NRXN3: variants seen among roughly 807,000 people sequenced by gnomAD.
NRXN3 encodes the protein neurexin III.
A neutral mutation model predicts 137.6 loss-of-function variants in NRXN3; 32 were observed. That is an observed-to-expected ratio of 0.23 (90% CI 0.18 to 0.31). NRXN3 has a LOEUF of 0.31. Among genes scored for constraint, NRXN3 ranks in the 10% least tolerant of loss-of-function variants. The pLI, the probability that NRXN3 is intolerant of heterozygous loss-of-function variation, is 1.00. For missense variants in NRXN3, 1,574 were observed against 2,062.5 expected (o/e 0.76, Z 4.59); for synonymous variants, 798 against 784.5 (o/e 1.02, Z -0.29).
At chr14:78,898,189 A>G (rs1228079715) in intron 10 of NRXN3, among the ~76,000 whole-genome samples, 1 of 151,966 alleles carries the variant, frequency 6.6e-6, no homozygotes, top group Non-Finnish European at 1.5e-5. Flanking sequence ...AATGTTGGTG[A>G]TATATTTATT....
chr14:79,211,141 G>A (rs549498139), intron 15 of NRXN3, among the ~76,000 whole-genome samples: 1 of 152,114 alleles, frequency 6.6e-6, no homozygotes, highest in South Asian at 2.1e-4. Flanking sequence ...TTTGTGTCTG[G>A]ACCCCACTAC....
chr14:79,023,321 G>T (rs2099592851), intron 15 of NRXN3, among the ~76,000 whole-genome samples: 1 of 152,018 alleles, frequency 6.6e-6, no homozygotes, highest in Non-Finnish European at 1.5e-5. Flanking sequence ...GAGCACAACA[G>T]ACCAAGCTCC....
At chr14:78,174,436 C>T (rs1042038918) in intron 1 of NRXN3, among the ~76,000 whole-genome samples, 2 of 151,948 alleles carry the variant, frequency 1.3e-5, no homozygotes, top group South Asian at 2.1e-4. Flanking sequence ...TGTCTTTGTC[C>T]GACCCAGTTC....
chr14:78,902,948 T>G (rs905428898), intron 10 of NRXN3, among the ~76,000 whole-genome samples: 1 of 151,798 alleles, frequency 6.6e-6, no homozygotes, highest in African/African-American at 2.4e-5. Flanking sequence ...CTTATCCTCC[T>G]GCAAATCTCA....
At chr14:79,174,653 A>G (rs2062127556) in intron 15 of NRXN3, among the ~76,000 whole-genome samples, 1 of 151,490 alleles carries the variant, frequency 6.6e-6, no homozygotes, top group African/African-American at 2.4e-5. Flanking sequence ...AAAAGAGGAA[A>G]GATTAAGTAA....
intron 4 of NRXN3, among the ~76,000 whole-genome samples, chr14:78,523,240 C>G (rs2096311992): frequency 2.6e-5 from 4 of 152,076 alleles, no homozygotes. Flanking sequence ...TTTGTAAAAC[C>G]TAGGGGAATG....
intron 16 of NRXN3, among the ~76,000 whole-genome samples, chr14:79,490,840 T>C (rs950031385): frequency 5.9e-5 from 9 of 152,202 alleles, no homozygotes; most frequent in Non-Finnish European, 4.4e-5. Context: ...ACTCAATGGA[T>C]AAATGTTTGA....
intron 15 of NRXN3, among the ~76,000 whole-genome samples, chr14:79,442,889 T>G (rs1235077331): frequency 6.6e-6 from 1 of 152,246 alleles, no homozygotes; most frequent in Non-Finnish European, 1.5e-5. Flanking sequence ...CCTTAAAATG[T>G]CTGAATTCCT....
At chr14:79,504,230 G>T (rs910657056) in intron 16 of NRXN3, among the ~76,000 whole-genome samples, 5 of 152,116 alleles carry the variant, frequency 3.3e-5, no homozygotes, top group Non-Finnish European at 7.4e-5. Flanking sequence ...TCATCTCAAT[G>T]CTCCTTACTC....
intron 19 of NRXN3, among the ~76,000 whole-genome samples, chr14:79,801,832 G>C (rs1408532729): frequency 6.6e-6 from 1 of 152,014 alleles, no homozygotes; most frequent in Non-Finnish European, 1.5e-5. Flanking sequence ...GAAAAAGGGG[G>C]TCAGAAGGTG....
At chr14:79,513,902 T>C (rs1374576194) in intron 16 of NRXN3, among the ~76,000 whole-genome samples, 1 of 152,002 alleles carries the variant, frequency 6.6e-6, no homozygotes, top group African/African-American at 2.4e-5. Flanking sequence ...ATAAGTTTAA[T>C]GTTGTTCAAA....
rs373491178 is a variant in NRXN3 at position 78,660,253 on chromosome 14, T to TTATATATATATATA, written c.1221+8937_1221+8950dup. Among the ~76,000 whole-genome samples the TTATATATATATATA allele has an allele frequency of 2.5e-3, 347 of 139,696 alleles. 1 individual carries two copies. In the East Asian group the frequency reaches 0.028, roughly 11 times the overall value. The allele number at this position is 139,696 out of a possible 152,430, so 91.6% of individuals were successfully genotyped here. ...ATGGGTTGTTGATGAAGAAGTAGAT[T>TTATATATATATATA]TATATATATATATATATATATATTT... On this transcript the variant is annotated intron_variant, in intron 6 of 20. Transcript: ENST00000335750.
chr14:79,652,569 A>AATT (rs2098482220), intron 16 of NRXN3, among the ~76,000 whole-genome samples: 1 of 152,142 alleles, frequency 6.6e-6, no homozygotes, highest in Non-Finnish European at 1.5e-5. Context: ...AGTAAATTAA[A>AATT]ATTAGGAGAT....
At chr14:78,568,431 A>C (rs1228715207) in intron 4 of NRXN3, among the ~76,000 whole-genome samples, 1 of 152,140 alleles carries the variant, frequency 6.6e-6, no homozygotes, top group African/African-American at 2.4e-5. Flanking sequence ...GTCAGATACA[A>C]ATTTTTGTTG....
intron 6 of NRXN3, among the ~76,000 whole-genome samples, chr14:78,703,054 A>G (rs1478443130): frequency 1.3e-5 from 2 of 152,232 alleles, no homozygotes; most frequent in Non-Finnish European, 2.9e-5. Context: ...GGCCATAATC[A>G]TGACCATGGC....
chr14:78,398,158 G>T (rs2091683557), intron 4 of NRXN3, among the ~76,000 whole-genome samples: 1 of 149,346 alleles, frequency 6.7e-6, no homozygotes, highest in Non-Finnish European at 1.5e-5. Flanking sequence ...AGGTTGCAGT[G>T]AGCCGAGATT....
At chr14:79,427,129 T>G (rs1404957216) in intron 15 of NRXN3, among the ~76,000 whole-genome samples, 1 of 152,132 alleles carries the variant, frequency 6.6e-6, no homozygotes, top group Non-Finnish European at 1.5e-5. Flanking sequence ...CCTATTGACC[T>G]GCTTTTTAAG....
At position 78,696,013 on chromosome 14, in the gene NRXN3, G is replaced by C. The variant is rs1004091790; in HGVS notation, c.1222-13204G>C. On this transcript the variant is annotated intron_variant, in intron 6 of 20. Coordinates refer to ENST00000335750, the MANE Select transcript of NRXN3 (RefSeq NM_001330195.2). ...TGGACCTTGGAGGAGTCTTCCTCAA[G>C]GCTTTGGCAGGTGCTCCTAAACATG... is the stretch of plus-strand genomic sequence containing the variant. Among the ~76,000 whole-genome samples, 14 of 151,980 alleles carry C rather than the reference G, an allele frequency of 9.2e-5. 1 individual carries two copies. Among genetic ancestry groups the C allele is most frequent in the African/African-American group, 3.4e-4 (14 of 41,362 alleles).
intron 4 of NRXN3, chr14:78,403,800 G>GC (rs1045145796): frequency 8.1e-6 from 8 of 985,246 alleles, no homozygotes; most frequent in South Asian, 9.4e-5. Flanking sequence ...CGTTGTTTCT[G>GC]CCCCCTGAGG....
Sources: allele counts gnomAD v4.1 joint callset (sites outside exome capture counted in the v4.1 genomes callset), GRCh38; gene constraint gnomAD v4.1.1; transcripts MANE v1.5; gene names NCBI Gene and HGNC (gene_info 2026-07-23, HGNC 2026-07-21).